The following TRMT9B variants were observed in gnomAD, a reference collection of about 807,000 sequenced individuals.
The protein encoded by TRMT9B is probable tRNA methyltransferase 9B.
In TRMT9B, 16 loss-of-function variants were observed where a neutral mutation model predicts 11.5. That is an observed-to-expected ratio of 1.39 (90% CI 0.94 to 2.11). The LOEUF (loss-of-function observed/expected upper bound fraction) is 2.11. Among genes scored for constraint, TRMT9B ranks in the 30% most tolerant of loss-of-function variants. The pLI is 0.00. For missense variants in TRMT9B, 941 were observed against 553.8 expected (o/e 1.70, Z -7.02); for synonymous variants, 274 against 192.4 (o/e 1.42, Z -3.51).
intron 1 of TRMT9B, among the ~76,000 whole-genome samples, chr8:12,988,165 A>G (rs1045111146): frequency 4.0e-5 from 6 of 151,760 alleles, no homozygotes; most frequent in African/African-American, 1.2e-4. Flanking sequence ...GGCTGACCCC[A>G]CTCATCTTTT....
intron 2 of TRMT9B, among the ~76,000 whole-genome samples, chr8:12,995,243 G>C (rs879856993): frequency 6.6e-6 from 1 of 152,206 alleles, no homozygotes; most frequent in Admixed American, 6.5e-5. Context: ...AAAGCTTCAA[G>C]CAAGTTTCAG....
intron 2 of TRMT9B, among the ~76,000 whole-genome samples, chr8:12,992,056 A>T (rs1031682658): frequency 4.6e-5 from 7 of 152,324 alleles, no homozygotes; most frequent in African/African-American, 1.7e-4. Flanking sequence ...TAGGATTTAT[A>T]ACCAAAGAGT....
At chr8:12,949,372 C>G (rs927236296) in intron 1 of TRMT9B, among the ~76,000 whole-genome samples, 4 of 152,130 alleles carry the variant, frequency 2.6e-5, no homozygotes, top group Admixed American at 2.0e-4. Context: ...CATTTTTTAT[C>G]CTTTCCTCCT....
intron 3 of TRMT9B, chr8:13,010,937 G>A (rs550034803): frequency 2.2e-6 from 2 of 907,440 alleles, no homozygotes; most frequent in Non-Finnish European, 2.6e-6. Context: ...TAATATCATA[G>A]AAATAATATG....
chr8:13,024,406 AG>A lies in TRMT9B; in HGVS notation c.*2363del, dbSNP rs1400944504. The A allele has an allele frequency of 6.0e-6, 1 of 167,112 alleles. No homozygotes were observed. Among genetic ancestry groups the A allele is most frequent in the Non-Finnish European group, 1.5e-5 (1 of 68,140 alleles). The allele number at this position is 167,112 out of a possible 1,614,324, so 10.4% of individuals were successfully genotyped here. A position where few individuals can be genotyped will look rare whatever the true frequency, so the allele number is the denominator to read the frequency against. On this transcript the variant is annotated 3_prime_UTR_variant, in exon 5 of 5. Coordinates refer to ENST00000524591, the MANE Select transcript of TRMT9B (RefSeq NM_020844.3). ...ACTGCAAGGGATTTCCTTGGTAAAA[AG>A]AAAAGATTCTCAGAGTCAAAATGGT...
At chr8:13,001,097 C>G (rs1346686617) in intron 2 of TRMT9B, among the ~76,000 whole-genome samples, 1 of 152,190 alleles carries the variant, frequency 6.6e-6, no homozygotes, top group East Asian at 1.9e-4. Flanking sequence ...TCTTGTTTTT[C>G]TTTCCCTACA....
At chr8:12,968,252 C>T (rs2128866913) in intron 1 of TRMT9B, among the ~76,000 whole-genome samples, 1 of 152,306 alleles carries the variant, frequency 6.6e-6, no homozygotes, top group Admixed American at 6.5e-5. Flanking sequence ...CTATAAAGTT[C>T]TACAGGAGTA....
chr8:13,021,833 C>T lies in TRMT9B; in HGVS notation c.1154C>T (p.Thr385Ile). ...ILRRISAVDS[T>I]DFNPDDTMSV... ...AGAAGGATTTCTGCAGTTGATTCCA[C>T]AGATTTCAACCCAGATGATACAATG... The change falls in exon 5 of 5, where the codon ACA (threonine) becomes ATA (isoleucine). Residue 385 changes from threonine to isoleucine, a missense_variant. Transcript: ENST00000524591. The T allele has an allele frequency of 6.2e-7, 1 of 1,613,664 alleles. No individual in the cohort carries two copies. Among genetic ancestry groups the T allele is most frequent in the Non-Finnish European group, 8.5e-7 (1 of 1,179,716 alleles).
chr8:13,004,205 A>C (rs1051244552), intron 2 of TRMT9B, among the ~76,000 whole-genome samples: 9 of 151,980 alleles, frequency 5.9e-5, no homozygotes, highest in African/African-American at 2.2e-4. Context: ...GCTCTGGGGT[A>C]CTAAATACAC....
intron 3 of TRMT9B, chr8:13,006,618 A>T: frequency 2.2e-6 from 3 of 1,372,818 alleles, no homozygotes; most frequent in Non-Finnish European, 2.8e-6. Context: ...TACAGCAGAA[A>T]CTCGAGACAG....
At chr8:12,961,132 T>G (rs1321514217) in intron 1 of TRMT9B, among the ~76,000 whole-genome samples, 1 of 151,996 alleles carries the variant, frequency 6.6e-6, no homozygotes, top group South Asian at 2.1e-4. Flanking sequence ...AGAGTGAGAC[T>G]CCATCTCAAA....
intron 2 of TRMT9B, among the ~76,000 whole-genome samples, chr8:12,995,792 C>T (rs983935996): frequency 6.6e-6 from 1 of 152,088 alleles, no homozygotes; most frequent in Non-Finnish European, 1.5e-5. Flanking sequence ...GGTTCTAAGG[C>T]TTTTAAATAT....
At chr8:12,953,005 TG>T (rs1440164806) in intron 1 of TRMT9B, among the ~76,000 whole-genome samples, 1 of 152,216 alleles carries the variant, frequency 6.6e-6, no homozygotes, top group Non-Finnish European at 1.5e-5. Flanking sequence ...CCCAAAGTGC[TG>T]GGATTACAGG....
At chr8:12,969,380 C>T (rs950540232) in intron 1 of TRMT9B, among the ~76,000 whole-genome samples, 18 of 152,256 alleles carry the variant, frequency 1.2e-4, no homozygotes, top group Admixed American at 8.5e-4. Context: ...TAAACAATTG[C>T]ACCCAGTCAC....
chr8:12,978,518 T>TGATA lies in TRMT9B; in HGVS notation c.-199-12268_-199-12265dup, dbSNP rs1554517224. 6.6e-3 allele frequency among the ~76,000 whole-genome samples: 277 copies of TGATA among 41,814 alleles called. 1 individual carries two copies. Among genetic ancestry groups the TGATA allele is most frequent in the African/African-American group, 0.016 (149 of 9,176 alleles). 27.4% of individuals were successfully genotyped at this position (41,814 alleles called of 152,430 possible). The stretch of plus-strand genomic sequence containing the variant: ...GAGAGATAGACAGATGATAGATAGA[T>TGATA]GATAGATAGATAGATAGATAGATAG... On this transcript the variant is annotated intron_variant, in intron 1 of 4. Coordinates refer to ENST00000524591, the MANE Select transcript of TRMT9B (RefSeq NM_020844.3).
intron 1 of TRMT9B, among the ~76,000 whole-genome samples, chr8:12,982,915 A>G (rs2460344): frequency 0.035 from 5,378 of 152,206 alleles, 110 homozygotes; most frequent in African/African-American, 0.055. Flanking sequence ...GATGCTATCT[A>G]TGTTTTCCTC....
At chr8:12,964,241 A>G (rs1030893181) in intron 1 of TRMT9B, among the ~76,000 whole-genome samples, 10 of 152,214 alleles carry the variant, frequency 6.6e-5, no homozygotes, top group African/African-American at 2.4e-4. Context: ...TTACATTTCA[A>G]CATCATTGAC....
Position 13,022,655 on chromosome 8 carries a change from A to T in TRMT9B, c.*611A>T, listed in dbSNP as rs546222484. 1 of 167,156 alleles carries T rather than the reference A, an allele frequency of 6.0e-6. No homozygotes were observed. The highest frequency in any genetic ancestry group is 1.5e-5 in the Non-Finnish European group (1 of 68,152). 10.4% of individuals were successfully genotyped at this position (167,156 alleles called of 1,614,324 possible). A position where few individuals can be genotyped will look rare whatever the true frequency, so the allele number is the denominator to read the frequency against. ...AGCAAACTTGCTTCAAAATAAGTTG[A>T]CATGTGATAATAAGGTTTTCAATGT... On this transcript the variant is annotated 3_prime_UTR_variant, in exon 5 of 5. Coordinates refer to ENST00000524591, the MANE Select transcript of TRMT9B (RefSeq NM_020844.3).
intron 1 of TRMT9B, among the ~76,000 whole-genome samples, chr8:12,983,025 G>C (rs887728988): frequency 6.6e-6 from 1 of 152,200 alleles, no homozygotes; most frequent in Non-Finnish European, 1.5e-5. Flanking sequence ...CCCACATGGG[G>C]CCAAGAGCTG....
Sources: allele counts gnomAD v4.1 joint callset (sites outside exome capture counted in the v4.1 genomes callset), GRCh38; gene constraint gnomAD v4.1.1; transcripts MANE v1.5; gene names NCBI Gene and HGNC (gene_info 2026-07-23, HGNC 2026-07-21).